MAF: variants seen among roughly 807,000 people sequenced by gnomAD.
MAF encodes MAF bZIP transcription factor, also known as transcription factor Maf.
A neutral mutation model predicts 22.0 loss-of-function variants in MAF; 10 were observed. The observed-to-expected ratio is 0.45, with a 90% confidence interval of 0.28 to 0.77. The LOEUF (loss-of-function observed/expected upper bound fraction) is 0.77. MAF is among the 30% of genes least tolerant of loss of function. The pLI is 0.12. For missense variants in MAF, 544 were observed against 548.4 expected, an observed-to-expected ratio of 0.99 and a Z score of 0.08; for synonymous variants, 337 against 255.8, an observed-to-expected ratio of 1.32 and a Z score of -3.03.
At chr16:79,531,087 T>A in the MAF span, among the ~76,000 whole-genome samples, 3 of 152,234 alleles carry the variant, frequency 2.0e-5, no homozygotes, top group Non-Finnish European at 4.4e-5. Context: ...GTCAATGGTG[T>A]TAAAGTATGT....
At chr16:79,349,319 G>C in the MAF span, among the ~76,000 whole-genome samples, 2 of 152,080 alleles carry the variant, frequency 1.3e-5, no homozygotes, top group African/African-American at 4.8e-5. Flanking sequence ...CCTGTGATGA[G>C]GCATCCAAGA....
chr16:79,387,959 T>A, the MAF span, among the ~76,000 whole-genome samples: 30 of 152,310 alleles, frequency 2.0e-4, 1 homozygote, highest in Admixed American at 1.6e-3. Flanking sequence ...GAATAAATAA[T>A]AAATCAGAAT....
At chr16:79,339,280 C>T in the MAF span, among the ~76,000 whole-genome samples, 6 of 152,068 alleles carry the variant, frequency 3.9e-5, no homozygotes, top group South Asian at 2.1e-4. Flanking sequence ...ACCGTGGTCT[C>T]GATCTCCTGA....
chr16:79,546,993 AC>A, the MAF span, among the ~76,000 whole-genome samples: 1 of 152,182 alleles, frequency 6.6e-6, no homozygotes, highest in Non-Finnish European at 1.5e-5. Context: ...TGATGACAGA[AC>A]ATTTTAATTC....
At chr16:79,398,966 C>T in the MAF span, among the ~76,000 whole-genome samples, 1 of 152,170 alleles carries the variant, frequency 6.6e-6, no homozygotes, top group African/African-American at 2.4e-5. Context: ...TGTCCATCTC[C>T]CTTACTGGAC....
chr16:79,519,204 C>T, the MAF span, among the ~76,000 whole-genome samples: 2 of 152,254 alleles, frequency 1.3e-5, no homozygotes, highest in East Asian at 3.9e-4. Flanking sequence ...GTCCAAGCCC[C>T]CAAACCTGGA....
chr16:79,591,585 G>A (rs1052648242), downstream of MAF, among the ~76,000 whole-genome samples: 2 of 152,318 alleles, frequency 1.3e-5, no homozygotes, highest in African/African-American at 4.8e-5. Flanking sequence ...GTGCATTCCA[G>A]TCATAGTCGT....
the MAF span, among the ~76,000 whole-genome samples, chr16:79,537,929 C>A: frequency 5.3e-5 from 8 of 152,160 alleles, 1 homozygote; most frequent in East Asian, 1.5e-3. Flanking sequence ...ACTATTTAAC[C>A]CCATTTCACA....
the MAF span, among the ~76,000 whole-genome samples, chr16:79,546,343 T>C: frequency 6.6e-6 from 1 of 152,082 alleles, no homozygotes; most frequent in African/African-American, 2.4e-5. Flanking sequence ...ATCCTGAAAC[T>C]AGTTTTAGGG....
At chr16:79,465,906 A>G in the MAF span, among the ~76,000 whole-genome samples, 38 of 152,332 alleles carry the variant, frequency 2.5e-4, no homozygotes, top group African/African-American at 8.9e-4. Flanking sequence ...GATCATTGTT[A>G]TTATGATTAT....
At chr16:79,449,469 T>G in the MAF span, among the ~76,000 whole-genome samples, 1 of 152,228 alleles carries the variant, frequency 6.6e-6, no homozygotes, top group Non-Finnish European at 1.5e-5. Context: ...TTATTTAGTT[T>G]TCTCTCCTCA....
chr16:79,585,989 C>G, intron 1 of MAF: 1 of 658,116 alleles, frequency 1.5e-6, no homozygotes. Context: ...TTAATAACCA[C>G]GAAGAATGTT....
chr16:79,303,506 A>C, the MAF span, among the ~76,000 whole-genome samples: 1 of 152,102 alleles, frequency 6.6e-6, no homozygotes, highest in African/African-American at 2.4e-5. Context: ...CTTGCCTTTG[A>C]CCTTAGGCGT....
the MAF span, among the ~76,000 whole-genome samples, chr16:79,220,056 G>A: frequency 6.6e-6 from 1 of 152,150 alleles, no homozygotes; most frequent in East Asian, 1.9e-4. Context: ...AGGAGTTCAA[G>A]ACCAGCCTAG....
the MAF span, among the ~76,000 whole-genome samples, chr16:79,449,832 A>G: frequency 6.6e-6 from 1 of 152,224 alleles, no homozygotes; most frequent in Non-Finnish European, 1.5e-5. Context: ...GTAACTCTAG[A>G]AGAGGTTCAA....
At chr16:79,231,116 G>A in the MAF span, among the ~76,000 whole-genome samples, 1 of 152,040 alleles carries the variant, frequency 6.6e-6, no homozygotes, top group Admixed American at 6.6e-5. Flanking sequence ...TAGCTCTCAG[G>A]TGGGATAGCA....
chr16:79,468,309 G>C, the MAF span, among the ~76,000 whole-genome samples: 2 of 152,174 alleles, frequency 1.3e-5, no homozygotes, highest in African/African-American at 2.4e-5. Context: ...GCCCTGGGCC[G>C]GCCAGACGGC....
At chr16:79,268,267 GA>G in the MAF span, among the ~76,000 whole-genome samples, 1 of 152,044 alleles carries the variant, frequency 6.6e-6, no homozygotes, top group Non-Finnish European at 1.5e-5. Flanking sequence ...TACCATGCAA[GA>G]AAAATGTAGT....
chr16:79,402,036 G>A, the MAF span, among the ~76,000 whole-genome samples: 1 of 152,282 alleles, frequency 6.6e-6, no homozygotes, highest in East Asian at 1.9e-4. Context: ...GCTACTAAGT[G>A]GCTAGAAACA....
Sources: gnomAD v4.1 joint callset for allele counts (sites outside exome capture counted in the v4.1 genomes callset) on GRCh38, gnomAD v4.1.1 for gene constraint, MANE v1.5 for transcripts, NCBI Gene and HGNC (gene_info 2026-07-23, HGNC 2026-07-21) for gene names.